The following OR2V1 variants were observed in gnomAD, a reference collection of about 807,000 sequenced individuals.
OR2V1 encodes olfactory receptor 2V1.
OR2V1 carries 18 observed loss-of-function variants against 15.0 expected under a neutral mutation model. That is an observed-to-expected ratio of 1.20 (90% CI 0.83 to 1.78). The LOEUF (loss-of-function observed/expected upper bound fraction) is 1.78. Ranked by LOEUF, OR2V1 falls within the 40% of genes most tolerant of loss-of-function variation. OR2V1 has a pLI of 0.00. For synonymous variants in OR2V1, 144 were observed against 146.1 expected (o/e 0.99, Z 0.10); for missense variants, 359 against 392.9 (o/e 0.91, Z 0.73).
At chr5:181,128,456 T>C (rs548839720) in intron 3 of OR2V1, among the ~76,000 whole-genome samples, 1 of 152,286 alleles carries the variant, frequency 6.6e-6, no homozygotes. Flanking sequence ...GCCAAAGTAC[T>C]TCCAGAGGAA....
rs6863631 is a variant in OR2V1 at position 181,123,339 on chromosome 5, G to A, written c.*1018C>T. On this transcript the variant is annotated 3_prime_UTR_variant, in exon 4 of 4. Coordinates refer to ENST00000641551, the MANE Select transcript of OR2V1 (RefSeq NM_001258283.2). ...GACGCGGCCCTCCGGAGGTCCTGAC[G>A]ACACGTGCCCAAGGTGGTCAGGGCA... 0.35 allele frequency: 53,228 copies of A among 152,102 alleles called. 11,490 individuals carry two copies. Among genetic ancestry groups the A allele is most frequent in the South Asian group, 0.48 (2,291 of 4,808 alleles). 9.4% of individuals were successfully genotyped at this position (152,102 alleles called of 1,614,324 possible). A position where few individuals can be genotyped will look rare whatever the true frequency, so the allele number is the denominator to read the frequency against.
Position 181,123,709 on chromosome 5 carries a change from T to TC in OR2V1, c.*647dup, listed in dbSNP as rs1409516757. 6.6e-6 allele frequency: 1 copy of TC among 152,098 alleles called. No individual in the cohort carries two copies. Among genetic ancestry groups the TC allele is most frequent in the Non-Finnish European group, 1.5e-5 (1 of 68,032 alleles). The allele number at this position is 152,098 out of a possible 1,614,324, so 9.4% of individuals were successfully genotyped here. A position where few individuals can be genotyped will look rare whatever the true frequency, so the allele number is the denominator to read the frequency against. On this transcript the variant is annotated 3_prime_UTR_variant, in exon 4 of 4. Coordinates refer to ENST00000641551, the MANE Select transcript of OR2V1 (RefSeq NM_001258283.2). Reference sequence around the variant, plus strand: ...TAACACACACAAAAAAACAAGATATTCCCCCCACGAGGATAACTACTAAAC... The same window carrying TC: ...TAACACACACAAAAAAACAAGATATTCCCCCCCACGAGGATAACTACTAAAC...
In OR2V1 at chr5:181,124,555, G is replaced by C. The variant is rs1488071585; in HGVS notation, c.750C>G (p.Thr250=). The change falls in exon 4 of 4, where the codon ACC becomes ACG. Residue 250 remains threonine, a synonymous_variant. Transcript: ENST00000641551. ...ATCSSHLTAV[T]LFYGAAMFMY... is the part of the protein sequence containing the mutation. ...TGAACATGGCTGCCCCATAGAAGAG[G>C]GTGACAGCTGTTAGGTGGGAGGAGC... 1 of 1,613,180 alleles carries C rather than the reference G, an allele frequency of 6.2e-7. No homozygotes were observed. Among genetic ancestry groups the C allele is most frequent in the Non-Finnish European group, 8.5e-7 (1 of 1,179,510 alleles).
rs1232775133 is a variant in OR2V1, at chr5:181,124,452, T to C, written c.853A>G (p.Met285Val). ...AAGCTGTAAATGAGGGGGTTCAGCA[T>C]GGGAGTAAGGACTGTGTAGAAGATA... ...ASIFYTVLTP[M>V]LNPLIYSLRN... The change falls in exon 4 of 4, where the codon ATG (methionine) becomes GTG (valine). Residue 285 changes from methionine to valine, a missense_variant. Met to Val is a conservative substitution (Grantham distance 21, BLOSUM62 1). Coordinates refer to ENST00000641551, the MANE Select transcript of OR2V1 (RefSeq NM_001258283.2). 1 of 1,613,722 alleles carries C rather than the reference T, an allele frequency of 6.2e-7. No individual in the cohort carries two copies. The highest frequency in any genetic ancestry group is 8.5e-7 in the Non-Finnish European group (1 of 1,179,926).
chr5:181,126,143 C>T (rs544336794), intron 3 of OR2V1, among the ~76,000 whole-genome samples: 2 of 152,234 alleles, frequency 1.3e-5, no homozygotes, highest in Admixed American at 1.3e-4. Context: ...CCCATACCCT[C>T]AGTGTTTCTC....
chr5:181,128,930 G>A (rs1437717460), intron 3 of OR2V1, among the ~76,000 whole-genome samples: 6 of 152,212 alleles, frequency 3.9e-5, no homozygotes, highest in African/African-American at 1.2e-4. Context: ...TTTGTTGAAT[G>A]CATAAAAATT....
chr5:181,130,924 C>T (rs1746473002), intron 1 of OR2V1, 126 bp downstream of exon 1: 1 of 153,130 alleles, frequency 6.5e-6, no homozygotes, highest in African/African-American at 2.4e-5. Flanking sequence ...CCACACCTGT[C>T]CTTCACCTGC....
chr5:181,126,324 G>T (rs1324103591), intron 3 of OR2V1, among the ~76,000 whole-genome samples: 1 of 152,046 alleles, frequency 6.6e-6, no homozygotes, highest in South Asian at 2.1e-4. Flanking sequence ...TAAAGCATTT[G>T]TGTAACTTTC....
In OR2V1 at chr5:181,124,334, C is replaced by T. The variant is rs971374105; in HGVS notation, c.*23G>A. ...AATGTGACACAGGCAAGAAGGGGCA[C>T]AGCAGGCACCAGACTCTGGGGTTCA... On this transcript the variant is annotated 3_prime_UTR_variant, in exon 4 of 4. Transcript: ENST00000641551. The T allele has an allele frequency of 4.0e-6, 6 of 1,518,650 alleles. No homozygotes were observed. In the African/African-American group the frequency reaches 4.2e-5, roughly 11 times the overall value. The allele number at this position is 1,518,650 out of a possible 1,614,324, so 94.1% of individuals were successfully genotyped here.
At chr5:181,128,842 C>T (rs189282400) in intron 3 of OR2V1, among the ~76,000 whole-genome samples, 33 of 152,258 alleles carry the variant, frequency 2.2e-4, no homozygotes, top group Admixed American at 6.5e-4. Context: ...CCGTGTTCCC[C>T]GGTGCCACGG....
intron 3 of OR2V1, among the ~76,000 whole-genome samples, chr5:181,128,112 G>A (rs1013741047): frequency 5.3e-5 from 8 of 151,860 alleles, no homozygotes; most frequent in Non-Finnish European, 1.0e-4. Flanking sequence ...CTGTTCTCCC[G>A]CTCTCAGCTC....
Position 181,125,213 on chromosome 5 carries a change from G to A in OR2V1, c.92C>T (p.Ala31Val), listed in dbSNP as rs764481685. Residue 31 changes from alanine to valine, a missense_variant, in exon 4 of 4, where the codon GCA becomes GTA. Transcript: ENST00000641551. Reference protein sequence around the residue: ...HSQTDLVLFSAVMVVFTVALC... With the variant: ...HSQTDLVLFSVVMVVFTVALC... ...GGCCACTGTGAAGACCACCATAACT[G>A]CAGAGAAGAGGACAAGGTCAGTCTG... 7 of 1,613,962 alleles carry A rather than the reference G, an allele frequency of 4.3e-6. No individual in the cohort carries two copies. The highest frequency in any genetic ancestry group is 5.9e-6 in the Non-Finnish European group (7 of 1,180,024).
Position 181,124,443 on chromosome 5 carries a change from G to C in OR2V1, c.862C>G (p.Pro288Ala), listed in dbSNP as rs777575542. The change falls in exon 4 of 4, where the codon CCC becomes GCC. Residue 288 changes from proline to alanine, a missense_variant. Pro to Ala is a conservative substitution (Grantham distance 27, BLOSUM62 -1). Coordinates refer to ENST00000641551, the MANE Select transcript of OR2V1 (RefSeq NM_001258283.2). The part of the protein sequence containing the change: ...FYTVLTPMLN[P>A]LIYSLRNGEV... ...CCATTCCTCAAGCTGTAAATGAGGG[G>C]GTTCAGCATGGGAGTAAGGACTGTG... 1 of 1,613,854 alleles carries C rather than the reference G, an allele frequency of 6.2e-7. No individual in the cohort carries two copies. Among genetic ancestry groups the C allele is most frequent in the Admixed American group, 1.7e-5 (1 of 59,988 alleles).
chr5:181,130,094 A>T (rs1203444171), intron 2 of OR2V1, 79 bp downstream of exon 2: 2 of 398,904 alleles, frequency 5.0e-6, no homozygotes, highest in African/African-American at 2.1e-5. Context: ...TGAACAAGAT[A>T]AATGGGGACG....
In OR2V1 at chr5:181,125,220, A is replaced by G; in HGVS notation, c.85T>C (p.Phe29Leu). Residue 29 changes from phenylalanine (F) to leucine (L), a missense_variant, in exon 4 of 4, where the codon TTC becomes CTC. Transcript: ENST00000641551. ...FSHSQTDLVL[F>L]SAVMVVFTVA... is the part of the protein sequence containing the mutation. ...GTGAAGACCACCATAACTGCAGAGAAGAGGACAAGGTCAGTCTGGCTGTGG... is the reference window on the plus strand; with the variant it reads ...GTGAAGACCACCATAACTGCAGAGAGGAGGACAAGGTCAGTCTGGCTGTGG... 1 of 1,614,148 alleles carries G rather than the reference A, an allele frequency of 6.2e-7. No individual in the cohort carries two copies.
chr5:181,124,540 T>A lies in OR2V1; in HGVS notation c.765A>T (p.Ala255=). The A allele has an allele frequency of 6.2e-7, 1 of 1,613,394 alleles. No individual in the cohort carries two copies. Among genetic ancestry groups the A allele is most frequent in the East Asian group, 2.2e-5 (1 of 44,880 alleles). Residue 255 remains alanine, a synonymous_variant, in exon 4 of 4, where the codon GCA becomes GCT. Coordinates refer to ENST00000641551, the MANE Select transcript of OR2V1 (RefSeq NM_001258283.2). ...HLTAVTLFYG[A]AMFMYLRPRR... ...TAGGCCTCAGGTACATGAACATGGC[T>A]GCCCCATAGAAGAGGGTGACAGCTG...
At position 181,123,791 on chromosome 5, in the gene OR2V1, T is replaced by C. The variant is rs1279570530; in HGVS notation, c.*566A>G. On this transcript the variant is annotated 3_prime_UTR_variant, in exon 4 of 4. Transcript: ENST00000641551. ...GTTTTATAAAGCCTCTAATTGAACA[T>C]AGAAAAAGGCAAAGAACTGTCCAAA... 2 of 152,206 alleles carry C rather than the reference T, an allele frequency of 1.3e-5. No homozygotes were observed. The highest frequency in any genetic ancestry group is 3.9e-4 in the East Asian group (2 of 5,194). The allele number at this position is 152,206 out of a possible 1,614,324, so 9.4% of individuals were successfully genotyped here. A position where few individuals can be genotyped will look rare whatever the true frequency, so the allele number is the denominator to read the frequency against.
chr5:181,127,798 G>A (rs983559673), intron 3 of OR2V1, among the ~76,000 whole-genome samples: 4 of 151,820 alleles, frequency 2.6e-5, no homozygotes, highest in African/African-American at 9.7e-5. Context: ...ACCCAGCAGC[G>A]AAACAAACCA....
At chr5:181,129,467 A>C (rs1402528534) in intron 3 of OR2V1, 53 bp downstream of exon 3, 2 of 152,160 alleles carry the variant, frequency 1.3e-5, no homozygotes, top group East Asian at 3.9e-4. Context: ...CAGCCATATC[A>C]ACCAGCAAAA....
Sources: allele counts gnomAD v4.1 joint callset (sites outside exome capture counted in the v4.1 genomes callset), GRCh38; gene constraint gnomAD v4.1.1; transcripts MANE v1.5; gene names NCBI Gene and HGNC (gene_info 2026-07-23, HGNC 2026-07-21).